ADCY5: variants seen among roughly 807,000 people sequenced by gnomAD.
ADCY5 encodes adenylate cyclase 5.
ADCY5 carries 30 observed loss-of-function variants against 119.7 expected under a neutral mutation model. That is an observed-to-expected ratio of 0.25 (90% CI 0.19 to 0.34). The LOEUF (loss-of-function observed/expected upper bound fraction) is 0.34, where lower values mean the gene tolerates loss of function less well. Among genes scored for constraint, ADCY5 ranks in the 10% least tolerant of loss-of-function variants. The probability of loss-of-function intolerance (pLI) is 1.00; values close to 1 mark genes in which losing one functional copy is unlikely to be tolerated. For synonymous variants in ADCY5, 753 were observed against 762.2 expected, an observed-to-expected ratio of 0.99 and a Z score of 0.20; for missense variants, 1,324 against 1,775.2, an observed-to-expected ratio of 0.75 and a Z score of 4.57.
At chr3:123,433,986 C>G (rs944276938) in intron 1 of ADCY5, among the ~76,000 whole-genome samples, 1 of 152,170 alleles carries the variant, frequency 6.6e-6, no homozygotes, top group Non-Finnish European at 1.5e-5. Context: ...GAAATGACAA[C>G]CCATTTAATG....
chr3:123,439,940 A>G (rs950850249), intron 1 of ADCY5, among the ~76,000 whole-genome samples: 2 of 152,240 alleles, frequency 1.3e-5, no homozygotes, highest in African/African-American at 4.8e-5. Flanking sequence ...GTTTCTAAGA[A>G]GGCACACATT....
chr3:123,434,562 T>C (rs1559877744), intron 1 of ADCY5, among the ~76,000 whole-genome samples: 1 of 152,196 alleles, frequency 6.6e-6, no homozygotes, highest in Admixed American at 6.5e-5. Context: ...AGATCACACA[T>C]AAACAAGTCC....
At chr3:123,437,998 C>T (rs983198995) in intron 1 of ADCY5, among the ~76,000 whole-genome samples, 4 of 152,128 alleles carry the variant, frequency 2.6e-5, no homozygotes, top group Non-Finnish European at 4.4e-5. Flanking sequence ...AAGCAGGCAG[C>T]AGGCTGATGC....
At chr3:123,366,512 T>C (rs6794886) in intron 1 of ADCY5, among the ~76,000 whole-genome samples, 65,218 of 152,138 alleles carry the variant, frequency 0.43, 15,821 homozygotes, top group East Asian at 0.69. Flanking sequence ...GAAGGGGGGC[T>C]GGAGGTGAGG....
At chr3:123,330,706 AC>A (rs1219968271) in intron 5 of ADCY5, among the ~76,000 whole-genome samples, 182 bp downstream of exon 5, 5 of 152,230 alleles carry the variant, frequency 3.3e-5, no homozygotes, top group African/African-American at 1.2e-4. Flanking sequence ...GGGAACAGGA[AC>A]CCTGGAGAAG....
intron 1 of ADCY5, among the ~76,000 whole-genome samples, chr3:123,353,774 T>C (rs1576614436): frequency 6.6e-6 from 1 of 152,346 alleles, no homozygotes; most frequent in South Asian, 2.1e-4. Context: ...TAGGGGCCTC[T>C]TGGCTCTCGA....
intron 2 of ADCY5, among the ~76,000 whole-genome samples, chr3:123,351,035 A>G (rs1942816256): frequency 6.6e-6 from 1 of 152,114 alleles, no homozygotes; most frequent in Non-Finnish European, 1.5e-5. Flanking sequence ...CCCTGCCAGC[A>G]AGGGCTTCCT....
intron 1 of ADCY5, chr3:123,367,851 GAAAA>G: frequency 8.5e-7 from 1 of 1,175,880 alleles, no homozygotes; most frequent in Admixed American, 2.6e-5. Flanking sequence ...GAATCCAGAA[GAAAA>G]AAAAAAACAC....
chr3:123,338,481 G>T lies in ADCY5; in HGVS notation c.1407-5806C>A, dbSNP rs73858740. On this transcript the variant is annotated intron_variant, in intron 3 of 20. Coordinates refer to ENST00000462833, the MANE Select transcript of ADCY5 (RefSeq NM_183357.3). ...CCTACAGCAGACTGTCTGTTCTGCT[G>T]GCCAGGATTTCCTGATCTGCCCCGG... Among the ~76,000 whole-genome samples the T allele has an allele frequency of 3.6e-3, 549 of 152,284 alleles. 3 individuals are homozygous for T. Among genetic ancestry groups the T allele is most frequent in the African/African-American group, 0.013 (531 of 41,538 alleles).
intron 18 of ADCY5, among the ~76,000 whole-genome samples, chr3:123,290,810 G>T (rs912646540): frequency 2.6e-5 from 4 of 152,330 alleles, no homozygotes; most frequent in South Asian, 2.1e-4. Flanking sequence ...CAAAGGCTAA[G>T]TTCAAACAGT....
chr3:123,391,588 C>T (rs1944402378), intron 1 of ADCY5, among the ~76,000 whole-genome samples: 1 of 152,162 alleles, frequency 6.6e-6, no homozygotes, highest in South Asian at 2.1e-4. Context: ...GTCCAGCCTC[C>T]ACCATCACCC....
At chr3:123,423,317 T>G (rs1353798780) in intron 1 of ADCY5, among the ~76,000 whole-genome samples, 1 of 152,122 alleles carries the variant, frequency 6.6e-6, no homozygotes, top group Non-Finnish European at 1.5e-5. Context: ...GCCCCACCCC[T>G]GCGGAGAAGG....
At chr3:123,297,086 C>T (rs1353082615) in intron 16 of ADCY5, 4 of 1,523,308 alleles carry the variant, frequency 2.6e-6, no homozygotes, top group Non-Finnish European at 3.5e-6. Context: ...AATGCTTTAA[C>T]ATGAGGCCTA....
intron 19 of ADCY5, 78 bp downstream of exon 19, chr3:123,289,665 GATGCGGT>G: frequency 1.3e-6 from 2 of 1,485,348 alleles, no homozygotes; most frequent in Non-Finnish European, 1.9e-6. Context: ...CACAATGGCG[GATGCGGT>G]ATGGGGTATG....
chr3:123,315,089 G>A (rs564592730), intron 11 of ADCY5, among the ~76,000 whole-genome samples: 1 of 152,294 alleles, frequency 6.6e-6, no homozygotes, highest in African/African-American at 2.4e-5. Context: ...TGGCCCTCCT[G>A]GGGCAAGGGC....
intron 12 of ADCY5, among the ~76,000 whole-genome samples, chr3:123,313,583 A>G (rs1270347056): frequency 6.6e-6 from 1 of 152,220 alleles, no homozygotes; most frequent in Non-Finnish European, 1.5e-5. Flanking sequence ...AAACAGGAAC[A>G]TAAGTGGTTT....
chr3:123,301,984 G>A (rs534008757), intron 14 of ADCY5, among the ~76,000 whole-genome samples: 1 of 152,340 alleles, frequency 6.6e-6, no homozygotes, highest in East Asian at 1.9e-4. Flanking sequence ...CTCCTCCCTG[G>A]GCCTTCCCTG....
At chr3:123,426,246 G>C (rs1945405490) in intron 1 of ADCY5, among the ~76,000 whole-genome samples, 1 of 151,946 alleles carries the variant, frequency 6.6e-6, no homozygotes, top group Non-Finnish European at 1.5e-5. Context: ...ACAGGATGAA[G>C]TTCCTACCTG....
At chr3:123,323,306 C>A (rs1027291875) in intron 8 of ADCY5, among the ~76,000 whole-genome samples, 1 of 152,206 alleles carries the variant, frequency 6.6e-6, no homozygotes, top group African/African-American at 2.4e-5. Flanking sequence ...CAAATTCTTC[C>A]AAAATTCCTT....
Sources: gnomAD v4.1 joint callset for allele counts (sites outside exome capture counted in the v4.1 genomes callset) on GRCh38, gnomAD v4.1.1 for gene constraint, MANE v1.5 for transcripts, NCBI Gene and HGNC (gene_info 2026-07-23, HGNC 2026-07-21) for gene names.